Variants in B4GALNT2 observed in about 807,000 individuals in gnomAD.
B4GALNT2 encodes beta-1,4-N-acetyl-galactosaminyltransferase 2 (SID blood group).
A neutral mutation model predicts 51.1 loss-of-function variants in B4GALNT2; 42 were observed. The observed-to-expected ratio is 0.82, with a 90% CI of 0.64 to 1.06. The LOEUF (loss-of-function observed/expected upper bound fraction) is 1.06. B4GALNT2 is among the 50% of genes least tolerant of loss of function. The pLI, the probability that B4GALNT2 is intolerant of heterozygous loss-of-function variation, is 0.00. For synonymous variants in B4GALNT2, 253 were observed against 251.7 expected, an observed-to-expected ratio of 1.01 and a Z score of -0.05; for missense variants, 602 against 633.6, an observed-to-expected ratio of 0.95 and a Z score of 0.54.
Position 49,173,498 on chromosome 17 carries a change from A to T in B4GALNT2, c.*3770A>T, listed in dbSNP as rs2042970181. On this transcript the variant is annotated 3_prime_UTR_variant, in exon 11 of 11. Coordinates refer to ENST00000393354, the MANE Select transcript of B4GALNT2 (RefSeq NM_001159387.2). ...AATTTAGTTATTTTAGGGAGAATCCAATTAGTTAATTTCAAAAATTGAAAC... is the reference window on the plus strand; with the variant it reads ...AATTTAGTTATTTTAGGGAGAATCCTATTAGTTAATTTCAAAAATTGAAAC... The T allele has an allele frequency of 6.6e-6, 1 of 152,240 alleles. No individual in the cohort carries two copies. Among genetic ancestry groups the T allele is most frequent in the Non-Finnish European group, 1.5e-5 (1 of 68,044 alleles). The allele number at this position is 152,240 out of a possible 1,614,324, so 9.4% of individuals were successfully genotyped here.
rs1156817742 is a variant in B4GALNT2 at position 49,171,154 on chromosome 17, C to T, written c.*1426C>T. 1.3e-5 allele frequency: 3 copies of T among 229,948 alleles called. No homozygotes were observed. Among genetic ancestry groups the T allele is most frequent in the Non-Finnish European group, 2.6e-5 (3 of 116,298 alleles). The allele number at this position is 229,948 out of a possible 1,614,324, so 14.2% of individuals were successfully genotyped here. A position where few individuals can be genotyped will look rare whatever the true frequency, so the allele number is the denominator to read the frequency against. On this transcript the variant is annotated 3_prime_UTR_variant, in exon 11 of 11. Transcript: ENST00000393354. ...CAGATTTGGGGGCCTGTTCCCAACA[C>T]GTTCCCCTTTTTGTTTTCCAAAGTG...
chr17:49,142,347 T>A (rs963478551), intron 3 of B4GALNT2, among the ~76,000 whole-genome samples, 175 bp downstream of exon 3: 4 of 152,116 alleles, frequency 2.6e-5, no homozygotes, highest in Admixed American at 6.5e-5. Context: ...CATCCTTAAA[T>A]GAAGATTTAC....
chr17:49,152,533 G>A (rs562037758), intron 3 of B4GALNT2, among the ~76,000 whole-genome samples: 85 of 152,086 alleles, frequency 5.6e-4, no homozygotes, highest in African/African-American at 1.1e-3. Flanking sequence ...AAAATTAGCC[G>A]GGCGTGGAGG....
chr17:49,124,246 G>A, the B4GALNT2 span, among the ~76,000 whole-genome samples: 77,178 of 151,616 alleles, frequency 0.51, 19,984 homozygotes, highest in Middle Eastern at 0.62. Flanking sequence ...ATTAATGAAC[G>A]TTTTAGCTCT....
At chr17:49,133,051 GA>G in intron 1 of B4GALNT2, 2 of 1,499,490 alleles carry the variant, frequency 1.3e-6, no homozygotes, top group Non-Finnish European at 1.8e-6. Context: ...TTTTCCGTGG[GA>G]AAATTCCACG....
intron 2 of B4GALNT2, 90 bp from the exon 3 acceptor site, chr17:49,141,945 T>C: frequency 6.6e-7 from 1 of 1,518,632 alleles, no homozygotes; most frequent in African/African-American, 1.4e-5. Flanking sequence ...ATTTTCAGGG[T>C]AAACTACACA....
chr17:49,151,466 G>A (rs1218077527), intron 3 of B4GALNT2, among the ~76,000 whole-genome samples: 2 of 151,894 alleles, frequency 1.3e-5, no homozygotes, highest in Non-Finnish European at 2.9e-5. Context: ...GATTGTTATT[G>A]GCCGGGTGTG....
the B4GALNT2 span, among the ~76,000 whole-genome samples, chr17:49,127,448 G>A: frequency 6.6e-6 from 1 of 152,098 alleles, no homozygotes; most frequent in African/African-American, 2.4e-5. Flanking sequence ...TAATCTTACT[G>A]TACCAGTAAG....
chr17:49,147,268 T>C (rs1375836554), intron 3 of B4GALNT2, among the ~76,000 whole-genome samples: 1 of 152,216 alleles, frequency 6.6e-6, no homozygotes, highest in Non-Finnish European at 1.5e-5. Context: ...TAGTGCTACA[T>C]TATACTTCCA....
chr17:49,150,247 G>T (rs1300969499), intron 3 of B4GALNT2, among the ~76,000 whole-genome samples: 3 of 119,136 alleles, frequency 2.5e-5, no homozygotes, highest in African/African-American at 1.1e-4. Context: ...GGAGGGAGGT[G>T]GGGGGGTCAG....
intron 1 of B4GALNT2, among the ~76,000 whole-genome samples, chr17:49,134,648 C>T (rs1157223596): frequency 6.6e-6 from 1 of 151,866 alleles, no homozygotes; most frequent in African/African-American, 2.4e-5. Context: ...AGTGCAGTGG[C>T]GCAATCTCGG....
chr17:49,152,370 C>T (rs911353166), intron 3 of B4GALNT2, among the ~76,000 whole-genome samples: 1 of 151,984 alleles, frequency 6.6e-6, no homozygotes, highest in Non-Finnish European at 1.5e-5. Flanking sequence ...AAAGTGAAAC[C>T]CTGTCTCAAA....
At position 49,160,658 on chromosome 17, in the gene B4GALNT2, T is replaced by A; in HGVS notation, c.766+17T>A. The A allele has an allele frequency of 1.2e-6, 2 of 1,601,752 alleles. No individual in the cohort carries two copies. The highest frequency in any genetic ancestry group is 1.7e-6 in the Non-Finnish European group (2 of 1,168,852). Reference sequence around the variant, plus strand: ...CTGGACCAGGTAAGGCCCTTGTCCTTGGGGCTCCGTGGTGGCAACCCTGTG... The same window carrying A: ...CTGGACCAGGTAAGGCCCTTGTCCTAGGGGCTCCGTGGTGGCAACCCTGTG... On this transcript the variant is annotated intron_variant, in intron 7 of 10. Coordinates refer to ENST00000393354, the MANE Select transcript of B4GALNT2 (RefSeq NM_001159387.2).
At chr17:49,139,463 C>T (rs755919405) in intron 1 of B4GALNT2, among the ~76,000 whole-genome samples, 33 of 152,148 alleles carry the variant, frequency 2.2e-4, no homozygotes, top group Non-Finnish European at 4.7e-4. Context: ...TGAGCTCAAG[C>T]GATCCGCCTG....
At chr17:49,156,473 G>C in intron 4 of B4GALNT2, 93 bp from the exon 5 acceptor site, 1 of 1,361,826 alleles carries the variant, frequency 7.3e-7, no homozygotes. Flanking sequence ...GAGCTCTCAA[G>C]GATGTGCAGG....
At chr17:49,129,904 G>T (rs1218913061), upstream of B4GALNT2, among the ~76,000 whole-genome samples, 1 of 152,174 alleles carries the variant, frequency 6.6e-6, no homozygotes, top group Non-Finnish European at 1.5e-5. Flanking sequence ...GGTGGTTTTT[G>T]ATCAAGGTGA....
rs1453161974 is a variant in B4GALNT2 at position 49,175,623 on chromosome 17, G to C, written c.*5895G>C. On this transcript the variant is annotated 3_prime_UTR_variant, in exon 11 of 11. Coordinates refer to ENST00000393354, the MANE Select transcript of B4GALNT2 (RefSeq NM_001159387.2). ...ACTGTGGCACTACTGGCTGTCGTGGGGGACAGACATTGTACAGGGGTGAGG... is the reference window on the plus strand; with the variant it reads ...ACTGTGGCACTACTGGCTGTCGTGGCGGACAGACATTGTACAGGGGTGAGG... 6.6e-6 allele frequency: 1 copy of C among 152,154 alleles called. No individual in the cohort carries two copies. The highest frequency in any genetic ancestry group is 1.5e-5 in the Non-Finnish European group (1 of 68,060). 9.4% of individuals were successfully genotyped at this position (152,154 alleles called of 1,614,324 possible). A position where few individuals can be genotyped will look rare whatever the true frequency, so the allele number is the denominator to read the frequency against.
In B4GALNT2 at chr17:49,170,960, T is replaced by G. The variant is rs536490856; in HGVS notation, c.*1232T>G. ...AAGCACAGATAGCTCATACTATTATTTGTGGCTTAGGAATGCTTTAAGCGG... is the reference window on the plus strand; with the variant it reads ...AAGCACAGATAGCTCATACTATTATGTGTGGCTTAGGAATGCTTTAAGCGG... On this transcript the variant is annotated 3_prime_UTR_variant, in exon 11 of 11. Transcript: ENST00000393354. 6.5e-6 allele frequency: 1 copy of G among 154,476 alleles called. No individual in the cohort carries two copies. The highest frequency in any genetic ancestry group is 2.4e-5 in the African/African-American group (1 of 41,588). 9.6% of individuals were successfully genotyped at this position (154,476 alleles called of 1,614,324 possible).
chr17:49,169,592 C>T lies in B4GALNT2; in HGVS notation c.1385C>T (p.Ser462Phe). The T allele has an allele frequency of 6.2e-7, 1 of 1,613,186 alleles. No homozygotes were observed. Among genetic ancestry groups the T allele is most frequent in the Non-Finnish European group, 8.5e-7 (1 of 1,180,008 alleles). Residue 462 changes from serine (S) to phenylalanine (F), a missense_variant, in exon 11 of 11, where the codon TCT becomes TTT. Physicochemically the swap from Ser to Phe is radical, Grantham distance 155. Transcript: ENST00000393354. Reference sequence around the variant, plus strand: ...CCAGAAGTGATTATAGGTCACCAGTCTCGGTCTCCAGTGGTGGACTCAGAA... The same window carrying T: ...CCAGAAGTGATTATAGGTCACCAGTTTCGGTCTCCAGTGGTGGACTCAGAA... ...SCPEVIIGHQ[S>F]RSPVVDSELA...
Sources: allele counts gnomAD v4.1 joint callset (sites outside exome capture counted in the v4.1 genomes callset), GRCh38; gene constraint gnomAD v4.1.1; transcripts MANE v1.5; gene names NCBI Gene and HGNC (gene_info 2026-07-23, HGNC 2026-07-21).